CEP112: variants seen among roughly 807,000 people sequenced by gnomAD.
CEP112 encodes centrosomal protein of 112 kDa.
A neutral mutation model predicts 153.0 loss-of-function variants in CEP112; 127 were observed. The ratio of observed to expected loss-of-function variants is 0.83; its 90% confidence interval spans 0.72 to 0.96. The LOEUF (loss-of-function observed/expected upper bound fraction) is 0.96. CEP112 is among the 40% of genes least tolerant of loss of function. The pLI is 0.00. For missense variants in CEP112, 1,089 were observed against 1,101.2 expected (o/e 0.99, Z 0.16); for synonymous variants, 358 against 374.4 (o/e 0.96, Z 0.51).
intron 6 of CEP112, among the ~76,000 whole-genome samples, chr17:66,109,263 A>G (rs2068916210): frequency 6.6e-6 from 1 of 152,182 alleles, no homozygotes; most frequent in Non-Finnish European, 1.5e-5. Flanking sequence ...TAACTATAAG[A>G]GTGTAATTGG....
intron 21 of CEP112, among the ~76,000 whole-genome samples, chr17:65,821,516 A>T (rs1440989808): frequency 2.1e-4 from 6 of 29,024 alleles, no homozygotes; most frequent in Admixed American, 7.1e-4. Flanking sequence ...ATATATAATT[A>T]TATATATATA....
At chr17:65,908,126 C>T (rs1174292514) in intron 19 of CEP112, among the ~76,000 whole-genome samples, 1 of 152,058 alleles carries the variant, frequency 6.6e-6, no homozygotes, top group African/African-American at 2.4e-5. Flanking sequence ...TAAGGAGTTC[C>T]CTGTAATAAA....
rs112686056 is a variant in CEP112, at chr17:65,895,011, T to G, written c.2163+7141A>C. Among the ~76,000 whole-genome samples the G allele has an allele frequency of 7.9e-3, 1,207 of 152,138 alleles. 21 individuals are homozygous for G. The highest frequency in any genetic ancestry group is 0.027 in the African/African-American group (1,129 of 41,508). The stretch of plus-strand genomic sequence containing the variant: ...TATGACTATCAGTATTTTAAATCTA[T>G]TAAGGTAGTGACAATCCAAAATTAG... On this transcript the variant is annotated intron_variant, in intron 20 of 26. Transcript: ENST00000535342.
chr17:65,983,500 C>G (rs2145163512), intron 17 of CEP112, among the ~76,000 whole-genome samples: 1 of 152,230 alleles, frequency 6.6e-6, no homozygotes, highest in East Asian at 1.9e-4. Flanking sequence ...GAGTGACTCC[C>G]TCATGAATGT....
intron 4 of CEP112, among the ~76,000 whole-genome samples, chr17:66,136,008 T>C (rs1341268939): frequency 6.6e-6 from 1 of 152,032 alleles, no homozygotes; most frequent in Non-Finnish European, 1.5e-5. Flanking sequence ...GACCAAAATT[T>C]CCTTTGTGAG....
chr17:65,728,014 C>A (rs2050276462), intron 23 of CEP112, among the ~76,000 whole-genome samples: 1 of 152,198 alleles, frequency 6.6e-6, no homozygotes, highest in Non-Finnish European at 1.5e-5. Flanking sequence ...CTAGCATTTA[C>A]CTTGGTTTTG....
intron 11 of CEP112, among the ~76,000 whole-genome samples, chr17:66,062,083 C>T (rs182559091): frequency 1.1e-4 from 16 of 152,252 alleles, no homozygotes; most frequent in African/African-American, 3.8e-4. Flanking sequence ...GCTTCCCCTT[C>T]ACCTCCTACC....
At position 66,115,055 on chromosome 17, in the gene CEP112, A is replaced by G. The variant is rs568817741; in HGVS notation, c.642+14691T>C. Among the ~76,000 whole-genome samples, 500 of 152,226 alleles carry G rather than the reference A, an allele frequency of 3.3e-3. 4 individuals are homozygous for G. The highest frequency in any genetic ancestry group is 0.011 in the South Asian group (52 of 4,822). ...CCCTGTCTCTACTAAAAATATAAAA[A>G]TTAGCCAGGCATGGTGGCGGACACC... On this transcript the variant is annotated intron_variant, in intron 6 of 26. Transcript: ENST00000535342.
chr17:65,786,272 T>C (rs1323733431), intron 21 of CEP112, among the ~76,000 whole-genome samples: 1 of 152,138 alleles, frequency 6.6e-6, no homozygotes, highest in Non-Finnish European at 1.5e-5. Context: ...TCTTATATCC[T>C]GCAACCTTGG....
chr17:65,847,648 G>A (rs1435076200), intron 21 of CEP112, among the ~76,000 whole-genome samples: 1 of 152,182 alleles, frequency 6.6e-6, no homozygotes, highest in African/African-American at 2.4e-5. Flanking sequence ...TGGTACAGAA[G>A]TAAACAAGCT....
chr17:66,054,904 C>G (rs972176051), intron 11 of CEP112, among the ~76,000 whole-genome samples: 7 of 152,044 alleles, frequency 4.6e-5, no homozygotes, highest in African/African-American at 1.4e-4. Context: ...TCAAAGGCAG[C>G]CGCCAAAACA....
chr17:66,183,222 G>A lies in CEP112; in HGVS notation c.78C>T (p.Pro26=), dbSNP rs2072789710. The change falls in exon 2 of 27, where the codon CCC becomes CCT. Residue 26 remains proline (P), a synonymous_variant. Transcript: ENST00000535342. ...TCCTATGAGGTAATTTTAGAACAAA[G>A]GGCTTCATATCAACCACAAAGTGAT... ...EFDHFVVDMK[P]FVLKLPHRTE... 6.2e-7 allele frequency: 1 copy of A among 1,607,600 alleles called. No homozygotes were observed. Among genetic ancestry groups the A allele is most frequent in the Non-Finnish European group, 8.5e-7 (1 of 1,177,158 alleles).
At chr17:65,776,312 G>GC (rs572419322) in intron 21 of CEP112, among the ~76,000 whole-genome samples, 304 of 152,226 alleles carry the variant, frequency 2.0e-3, no homozygotes, top group African/African-American at 7.0e-3. Flanking sequence ...TCGGCTTGCT[G>GC]CAAGCTCCGC....
intron 19 of CEP112, among the ~76,000 whole-genome samples, chr17:65,926,569 C>T (rs1050176083): frequency 5.9e-5 from 9 of 151,942 alleles, no homozygotes; most frequent in Admixed American, 3.3e-4. Flanking sequence ...AAAATTTAGC[C>T]GGACGTGGTG....
At chr17:65,947,838 A>G (rs1990743) in intron 18 of CEP112, among the ~76,000 whole-genome samples, 72,673 of 151,842 alleles carry the variant, frequency 0.48, 18,386 homozygotes, top group East Asian at 0.89. Context: ...ATAATTAACC[A>G]AGAGAAAATG....
intron 23 of CEP112, among the ~76,000 whole-genome samples, chr17:65,701,886 CTTTTTTTTTTTGTTTTTTT>C (rs1386763783): frequency 7.7e-6 from 1 of 129,094 alleles, no homozygotes; most frequent in Non-Finnish European, 1.7e-5. Flanking sequence ...CCTTCAACTT[CTTTTTTTTTTTGTTTTTTT>C]TTTTTTTTTT....
intron 6 of CEP112, 69 bp downstream of exon 6, chr17:66,129,677 C>T: frequency 9.3e-7 from 1 of 1,075,526 alleles, no homozygotes; most frequent in Non-Finnish European, 1.4e-6. Flanking sequence ...CAAATTAGTT[C>T]AGATATTATA....
At chr17:66,103,555 G>T (rs550449670) in intron 6 of CEP112, among the ~76,000 whole-genome samples, 6 of 152,270 alleles carry the variant, frequency 3.9e-5, no homozygotes, top group Admixed American at 2.6e-4. Flanking sequence ...AGTCAACTGC[G>T]ATCAAAGAGG....
At chr17:66,051,805 A>G (rs983338854) in intron 12 of CEP112, among the ~76,000 whole-genome samples, 5 of 152,228 alleles carry the variant, frequency 3.3e-5, no homozygotes, top group African/African-American at 1.2e-4. Flanking sequence ...CCTGGGATAC[A>G]ACACTTGACC....
Sources: gnomAD v4.1 joint callset for allele counts (sites outside exome capture counted in the v4.1 genomes callset) on GRCh38, gnomAD v4.1.1 for gene constraint, MANE v1.5 for transcripts, NCBI Gene and HGNC (gene_info 2026-07-23, HGNC 2026-07-21) for gene names.